The following MED13L variants were observed in gnomAD, a reference collection of about 807,000 sequenced individuals.
MED13L encodes mediator complex subunit 13L.
Under a neutral mutation model 220.9 loss-of-function variants are expected in MED13L, and 7 were observed. That is an observed-to-expected ratio of 0.03 (90% confidence interval 0.02 to 0.06). The LOEUF (loss-of-function observed/expected upper bound fraction) is 0.06, where lower values mean the gene tolerates loss of function less well. MED13L is among the 10% of genes least tolerant of loss of function. MED13L has a pLI of 1.00. For missense variants in MED13L, 1,965 were observed against 2,760.5 expected (o/e 0.71, Z 6.46); for synonymous variants, 1,011 against 1,015.2 (o/e 1.00, Z 0.08).
chr12:116,271,918 C>A (rs186730065), intron 1 of MED13L, among the ~76,000 whole-genome samples: 11 of 152,124 alleles, frequency 7.2e-5, no homozygotes, highest in Non-Finnish European at 5.9e-5. Context: ...CACACACACA[C>A]AAATCAGTAC....
At chr12:116,276,653 GGGGAAGA>G in intron 1 of MED13L, 1 of 1,195,886 alleles carries the variant, frequency 8.4e-7, no homozygotes, top group Admixed American at 3.7e-5. Flanking sequence ...TCCAACAACG[GGGGAAGA>G]GGTTGCCGAT....
chr12:116,233,905 G>A (rs1869820036), intron 2 of MED13L, among the ~76,000 whole-genome samples: 1 of 151,032 alleles, frequency 6.6e-6, no homozygotes, highest in African/African-American at 2.4e-5. Context: ...CCTTCTCTCA[G>A]ACTATTTCAG....
chr12:116,251,604 T>A (rs1871571724), intron 1 of MED13L, among the ~76,000 whole-genome samples: 1 of 150,524 alleles, frequency 6.6e-6, no homozygotes, highest in South Asian at 2.1e-4. Flanking sequence ...CTAAAAAAAA[T>A]ATAAAACATT....
intron 4 of MED13L, among the ~76,000 whole-genome samples, chr12:116,043,948 T>C (rs1450688492): frequency 6.6e-6 from 1 of 152,242 alleles, no homozygotes; most frequent in Non-Finnish European, 1.5e-5. Flanking sequence ...GTAATATTCA[T>C]GTGTAGTCTA....
intron 4 of MED13L, among the ~76,000 whole-genome samples, chr12:116,031,364 G>A (rs1880724568): frequency 6.6e-6 from 1 of 151,864 alleles, no homozygotes. Context: ...CGGATCACGA[G>A]GTCAGGAGAT....
At chr12:116,206,072 AC>A (rs1882308551) in intron 2 of MED13L, among the ~76,000 whole-genome samples, 1 of 127,536 alleles carries the variant, frequency 7.8e-6, no homozygotes, top group Non-Finnish European at 1.7e-5. Flanking sequence ...AAGTATTATT[AC>A]CTTTTTTTTT....
intron 2 of MED13L, among the ~76,000 whole-genome samples, chr12:116,162,258 T>C (rs1310205820): frequency 2.0e-5 from 3 of 152,192 alleles, no homozygotes; most frequent in African/African-American, 7.2e-5. Context: ...ATTTTCCCCA[T>C]TGTTATGTTT....
intron 2 of MED13L, among the ~76,000 whole-genome samples, chr12:116,234,730 T>C (rs1869907705): frequency 6.6e-6 from 1 of 152,138 alleles, no homozygotes; most frequent in South Asian, 2.1e-4. Context: ...TTATCTCTGC[T>C]CACTGCAACC....
At position 115,991,107 on chromosome 12, in the gene MED13L, G is replaced by A. The variant is rs769123468; in HGVS notation, c.3847C>T (p.Arg1283Trp). 37 of 1,614,122 alleles carry A rather than the reference G, an allele frequency of 2.3e-5. No homozygotes were observed. Among genetic ancestry groups the A allele is most frequent in the Non-Finnish European group, 2.9e-5 (34 of 1,180,028 alleles). The change falls in exon 17 of 31, where the codon CGG becomes TGG. Residue 1283 changes from arginine to tryptophan, a missense_variant. Coordinates refer to ENST00000281928, the MANE Select transcript of MED13L (RefSeq NM_015335.5). This position sits in a 1 kb window ranked among gnomAD's most constrained non-coding sequence, Gnocchi z 7.7. ...CCAGTGGGGTTATCCACATACTGCC[G>A]CCCCTGCTCCAACGCATTAAAGCAT... is the stretch of plus-strand genomic sequence containing the variant. The part of the protein sequence containing the change: ...TECFNALEQG[R>W]QYVDNPTGGK...
At chr12:116,039,910 A>G (rs1300826521) in intron 4 of MED13L, among the ~76,000 whole-genome samples, 1 of 152,174 alleles carries the variant, frequency 6.6e-6, no homozygotes, top group Admixed American at 6.5e-5. Flanking sequence ...TATCCCTTAC[A>G]GATGGTATTT....
intron 25 of MED13L, among the ~76,000 whole-genome samples, chr12:115,973,097 A>G (rs1876700253): frequency 6.6e-6 from 1 of 152,222 alleles, no homozygotes; most frequent in South Asian, 2.1e-4. Context: ...AACTGTTTCC[A>G]TATTCCCAAT....
At chr12:116,115,667 C>CA (rs35169147) in intron 2 of MED13L, among the ~76,000 whole-genome samples, 3,052 of 143,236 alleles carry the variant, frequency 0.021, 55 homozygotes, top group Non-Finnish European at 0.034. Context: ...ACTTAACTAC[C>CA]AAAAAAAAAC....
chr12:116,205,978 AAC>A (rs1407899060), intron 2 of MED13L, among the ~76,000 whole-genome samples: 2 of 151,790 alleles, frequency 1.3e-5, no homozygotes, highest in Non-Finnish European at 2.9e-5. Context: ...GTATAAAGAA[AAC>A]AAAGTGGCAA....
chr12:116,201,469 A>T (rs1227214944), intron 2 of MED13L, among the ~76,000 whole-genome samples: 1 of 152,210 alleles, frequency 6.6e-6, no homozygotes, highest in East Asian at 1.9e-4. Context: ...ATGTAGATCA[A>T]CATCATAAAA....
At chr12:116,091,393 T>C (rs534042474) in intron 4 of MED13L, among the ~76,000 whole-genome samples, 1 of 152,172 alleles carries the variant, frequency 6.6e-6, no homozygotes, top group African/African-American at 2.4e-5. Flanking sequence ...ACTAGAAGAG[T>C]TGGATAGAAA....
chr12:116,181,169 T>C (rs1159589833), intron 2 of MED13L: 1 of 152,048 alleles, frequency 6.6e-6, no homozygotes, highest in Non-Finnish European at 1.5e-5. Context: ...GACCTGGTGA[T>C]CCGCCCACCT....
At chr12:116,183,810 GTGTGTGTGTA>G (rs745978009) in intron 2 of MED13L, among the ~76,000 whole-genome samples, 337 of 101,810 alleles carry the variant, frequency 3.3e-3, no homozygotes, top group South Asian at 0.015. Flanking sequence ...AATGGTGTGT[GTGTGTGTGTA>G]TGTGTGTGTG....
intron 1 of MED13L, among the ~76,000 whole-genome samples, chr12:116,275,187 C>A (rs902562747): frequency 6.6e-6 from 1 of 151,990 alleles, no homozygotes; most frequent in Non-Finnish European, 1.5e-5. Context: ...CACACAAAAA[C>A]CATTTTAAAT....
Position 116,007,451 on chromosome 12 carries a change from C to A in MED13L, c.2198G>T (p.Cys733Phe), listed in dbSNP as rs1396109677. The change falls in exon 11 of 31, where the codon TGC becomes TTC. Residue 733 changes from cysteine (C) to phenylalanine (F), a missense_variant. Cys to Phe is a radical substitution (Grantham distance 205). Around this residue, in one of 10 missense-constraint regions of MED13L, gnomAD observed 818 missense variants for 1,041.2 expected, o/e 0.79. Transcript: ENST00000281928. ...GGAATCTTTCTCCGTCCCTTGTTTG[C>A]ATTTCTTGTTGGCTGTAAAGATGTA... Reference protein sequence around the residue: ...IKYIFTANKKCKQGTEKDSLK... With the variant: ...IKYIFTANKKFKQGTEKDSLK... 3 of 1,613,670 alleles carry A rather than the reference C, an allele frequency of 1.9e-6. No homozygotes were observed. Among genetic ancestry groups the A allele is most frequent in the African/African-American group, 1.3e-5 (1 of 74,848 alleles).
Sources: gnomAD v4.1 joint callset for allele counts (sites outside exome capture counted in the v4.1 genomes callset) on GRCh38, gnomAD v4.1.1 for gene constraint, gnomAD v4.1.1 regional missense constraint, Gnocchi (gnomAD v3.1) non-coding constraint, MANE v1.5 for transcripts, NCBI Gene and HGNC (gene_info 2026-07-23, HGNC 2026-07-21) for gene names.